The following FBXL19 variants were observed in gnomAD, a reference collection of about 807,000 sequenced individuals.
The protein encoded by FBXL19 is F-box/LRR-repeat protein 19.
In FBXL19, 16 loss-of-function variants were observed where a neutral mutation model predicts 71.2. The ratio of observed to expected loss-of-function variants is 0.22; its 90% CI spans 0.15 to 0.34. The LOEUF is 0.34. Among genes scored for constraint, FBXL19 ranks in the 10% least tolerant of loss-of-function variants. FBXL19 has a pLI of 1.00. For synonymous variants in FBXL19, 447 were observed against 409.4 expected, an observed-to-expected ratio of 1.09 and a Z score of -1.11; for missense variants, 658 against 968.2, an observed-to-expected ratio of 0.68 and a Z score of 4.25.
rs2055564589 is a variant in FBXL19 at position 30,924,378 on chromosome 16, G to T, written c.-106G>T. ...TTCTGAGCGTTCCGCGCCCCGCGCC[G>T]CCCGGCCCCCCCGCCGCCGATGGCC... On this transcript the variant is annotated 5_prime_UTR_variant, in exon 1 of 11. Coordinates refer to ENST00000338343, the MANE Select transcript of FBXL19 (RefSeq NM_001382779.1). 1.6e-5 allele frequency: 3 copies of T among 182,178 alleles called. No individual in the cohort carries two copies. In the Admixed American group the frequency reaches 1.9e-4, roughly 11 times the overall value. The allele number at this position is 182,178 out of a possible 1,614,324, so 11.3% of individuals were successfully genotyped here. A position where few individuals can be genotyped will look rare whatever the true frequency, so the allele number is the denominator to read the frequency against.
Position 30,930,361 on chromosome 16 carries a change from C to T in FBXL19, c.1078C>T (p.Pro360Ser). 1.3e-6 allele frequency: 2 copies of T among 1,568,646 alleles called. No homozygotes were observed. Among genetic ancestry groups the T allele is most frequent in the Non-Finnish European group, 1.7e-6 (2 of 1,161,610 alleles). The part of the protein sequence containing the change: ...RRAVRPGSGG[P>S]LLSWPLGPAP... ...GGCTGTGCGCCCTGGCAGTGGGGGGCCCCTACTCAGCTGGCCCCTGGGCCC... is the reference window on the plus strand; with the variant it reads ...GGCTGTGCGCCCTGGCAGTGGGGGGTCCCTACTCAGCTGGCCCCTGGGCCC... Residue 360 changes from proline to serine, a missense_variant, in exon 7 of 11, where the codon CCC becomes TCC. By Grantham distance (74) the Pro-to-Ser change is moderately conservative (BLOSUM62 -1). Coordinates refer to ENST00000338343, the MANE Select transcript of FBXL19 (RefSeq NM_001382779.1). This position sits in a 1 kb window ranked among gnomAD's most constrained non-coding sequence, Gnocchi z 8.5.
Position 30,947,133 on chromosome 16 carries a change from G to A in FBXL19, c.1928G>A (p.Arg643His), listed in dbSNP as rs1356923663. 16 of 1,599,650 alleles carry A rather than the reference G, an allele frequency of 1.0e-5. No homozygotes were observed. The highest frequency in any genetic ancestry group is 2.2e-5 in the South Asian group (2 of 90,862). ...RLRRLDLRSC[R>H]QLSPEACARL... Reference sequence around the variant, plus strand: ...CGCCGCCTAGACCTGCGCTCCTGCCGCCAGCTCTCACCCGAAGCTTGTGCC... The same window carrying A: ...CGCCGCCTAGACCTGCGCTCCTGCCACCAGCTCTCACCCGAAGCTTGTGCC... The change falls in exon 11 of 11, where the codon CGC becomes CAC. Residue 643 changes from arginine (R) to histidine (H), a missense_variant. Arg to His is a conservative substitution (Grantham distance 29). Around this residue, in one of 8 missense-constraint regions of FBXL19, gnomAD observed 69 missense variants for 177.8 expected, o/e 0.39. Coordinates refer to ENST00000338343, the MANE Select transcript of FBXL19 (RefSeq NM_001382779.1).
chr16:30,928,928 C>T (rs986045588), intron 6 of FBXL19, among the ~76,000 whole-genome samples: 2 of 152,190 alleles, frequency 1.3e-5, no homozygotes, highest in African/African-American at 4.8e-5. Context: ...TTTGTATGAT[C>T]CTAGCAGCTT....
chr16:30,934,252 A>C (rs541375893), intron 7 of FBXL19, among the ~76,000 whole-genome samples: 1 of 151,780 alleles, frequency 6.6e-6, no homozygotes, highest in African/African-American at 2.4e-5. Flanking sequence ...TAGTTCAGCT[A>C]CTTGGGAGAC....
chr16:30,927,911 C>A lies in FBXL19; in HGVS notation c.575C>A (p.Pro192His), dbSNP rs1450364354. The A allele has an allele frequency of 2.6e-6, 4 of 1,544,104 alleles. No homozygotes were observed. The highest frequency in any genetic ancestry group is 3.5e-6 in the Non-Finnish European group (4 of 1,152,874). ...GPPPEDVPGPPKRKEREAGNE... is the reference protein window; with the variant it reads ...GPPPEDVPGPHKRKEREAGNE... ...CCCCCGGAGGACGTGCCTGGGCCCCCCAAACGAAAGGAAAGGGAGGCAGGG... is the reference window on the plus strand; with the variant it reads ...CCCCCGGAGGACGTGCCTGGGCCCCACAAACGAAAGGAAAGGGAGGCAGGG... Residue 192 changes from proline (P) to histidine (H), a missense_variant, in exon 5 of 11, where the codon CCC (proline) becomes CAC (histidine). Pro to His is a moderately conservative substitution (Grantham distance 77, BLOSUM62 -2). Coordinates refer to ENST00000338343, the MANE Select transcript of FBXL19 (RefSeq NM_001382779.1).
chr16:30,924,750 C>T (rs1188180652), intron 1 of FBXL19: 3 of 1,490,928 alleles, frequency 2.0e-6, no homozygotes, highest in Non-Finnish European at 8.9e-7. Flanking sequence ...TGAAAGTCCC[C>T]GGAAAGGGGG....
chr16:30,927,927 G>T lies in FBXL19; in HGVS notation c.591G>T (p.Arg197Ser). The T allele has an allele frequency of 1.3e-6, 2 of 1,542,528 alleles. No homozygotes were observed. The change falls in exon 5 of 11, where the codon AGG (arginine) becomes AGT (serine). Residue 197 changes from arginine (R) to serine (S), a missense_variant. Physicochemically the swap from Arg to Ser is moderately radical, Grantham distance 110. Coordinates refer to ENST00000338343, the MANE Select transcript of FBXL19 (RefSeq NM_001382779.1). The stretch of plus-strand genomic sequence containing the variant: ...CTGGGCCCCCCAAACGAAAGGAAAG[G>T]GAGGCAGGGAATGAGCCTCCCACCC... ...DVPGPPKRKE[R>S]EAGNEPPTPR... is the part of the protein sequence containing the mutation.
chr16:30,934,142 A>T (rs2055705687), intron 7 of FBXL19, among the ~76,000 whole-genome samples: 1 of 151,950 alleles, frequency 6.6e-6, no homozygotes, highest in Non-Finnish European at 1.5e-5. Context: ...AGACGGGCGG[A>T]TCACTTGTCA....
chr16:30,928,337 CAG>C, intron 5 of FBXL19, 128 bp from the exon 6 acceptor site: 5 of 1,018,274 alleles, frequency 4.9e-6, no homozygotes, highest in African/African-American at 1.7e-5. Context: ...TGAGCATGCT[CAG>C]AGTTATCCCT....
chr16:30,927,316 C>A lies in FBXL19; in HGVS notation c.186C>A (p.Leu62=). The A allele has an allele frequency of 6.4e-7, 1 of 1,571,298 alleles. No homozygotes were observed. The highest frequency in any genetic ancestry group is 2.3e-5 in the East Asian group (1 of 42,864). Residue 62 remains leucine, a synonymous_variant, in exon 3 of 11, where the codon CTC becomes CTA. Coordinates refer to ENST00000338343, the MANE Select transcript of FBXL19 (RefSeq NM_001382779.1). The stretch of plus-strand genomic sequence containing the variant: ...CCCCTCTCCCCCAACAGCCCGTGCT[C>A]CCACACACAGCTGTGTGCCTCTTGT... ...CLLRQCTAPV[L]PHTAVCLLCG...
intron 9 of FBXL19, among the ~76,000 whole-genome samples, chr16:30,945,017 T>TA (rs1243244882): frequency 6.6e-6 from 1 of 152,330 alleles, no homozygotes; most frequent in South Asian, 2.1e-4. Context: ...GGCCACATCT[T>TA]ACGATTCTTC....
In FBXL19 at chr16:30,923,576, GAGGAGGA is replaced by G. The variant is rs1210808433; in HGVS notation, c.-895_-889del. On this transcript the variant is annotated 5_prime_UTR_variant, in exon 1 of 11. Coordinates refer to ENST00000338343, the MANE Select transcript of FBXL19 (RefSeq NM_001382779.1). ...AGGGAGGGGAGGGGAGGGGGGAAGA[GAGGAGGA>G]AGGAGGAAGGAGCTGAGGAGGGATG... Among the ~76,000 whole-genome samples, 2 of 148,482 alleles carry G rather than the reference GAGGAGGA, an allele frequency of 1.3e-5. No homozygotes were observed. The highest frequency in any genetic ancestry group is 6.7e-5 in the Admixed American group (1 of 15,026).
rs2055871326 is a variant in FBXL19 at position 30,947,308 on chromosome 16, G to C, written c.*78G>C. 1 of 1,255,446 alleles carries C rather than the reference G, an allele frequency of 8.0e-7. No homozygotes were observed. The highest frequency in any genetic ancestry group is 1.1e-6 in the Non-Finnish European group (1 of 930,362). The allele number at this position is 1,255,446 out of a possible 1,614,324, so 77.8% of individuals were successfully genotyped here. On this transcript the variant is annotated 3_prime_UTR_variant, in exon 11 of 11. Coordinates refer to ENST00000338343, the MANE Select transcript of FBXL19 (RefSeq NM_001382779.1). ...TCATTTCACCCCTGCTGGGAGGCCAGGTTCCCACCTCACCACCCTGGGATT... is the reference window on the plus strand; with the variant it reads ...TCATTTCACCCCTGCTGGGAGGCCACGTTCCCACCTCACCACCCTGGGATT...
chr16:30,947,090 C>T lies in FBXL19; in HGVS notation c.1885C>T (p.Arg629Cys). Residue 629 changes from arginine (R) to cysteine (C), a missense_variant, in exon 11 of 11, where the codon CGC becomes TGC. Around this residue, in one of 8 missense-constraint regions of FBXL19, gnomAD observed 69 missense variants for 177.8 expected, o/e 0.39. Transcript: ENST00000338343. ...AACGGACCACTGCCTCCCGCTGTTC[C>T]GCCGCTGCCCTCGTCTACGCCGCCT... ...RLTDHCLPLF[R>C]RCPRLRRLDL... The T allele has an allele frequency of 6.3e-7, 1 of 1,597,372 alleles. No individual in the cohort carries two copies. Among genetic ancestry groups the T allele is most frequent in the Non-Finnish European group, 8.5e-7 (1 of 1,176,814 alleles).
Position 30,930,226 on chromosome 16 carries a change from G to C in FBXL19, c.943G>C (p.Asp315His). The C allele has an allele frequency of 2.5e-6, 4 of 1,613,054 alleles. No homozygotes were observed. The highest frequency in any genetic ancestry group is 3.4e-6 in the Non-Finnish European group (4 of 1,179,878). The change falls in exon 7 of 11, where the codon GAC becomes CAC. Residue 315 changes from aspartate to histidine, a missense_variant. By Grantham distance (81) the Asp-to-His change is moderately conservative. This residue lies in a region of FBXL19 where 447 missense variants were observed against 515.4 expected (regional missense o/e 0.87). Coordinates refer to ENST00000338343, the MANE Select transcript of FBXL19 (RefSeq NM_001382779.1). This position sits in a 1 kb window ranked among gnomAD's most constrained non-coding sequence, Gnocchi z 8.5. ...SSSSDSDSDS[D>H]SSGTSLSEDE... Reference sequence around the variant, plus strand: ...CTCCTCGGACTCAGACTCCGACTCCGACTCTTCGGGCACATCGCTGAGTGA... The same window carrying C: ...CTCCTCGGACTCAGACTCCGACTCCCACTCTTCGGGCACATCGCTGAGTGA...
intron 7 of FBXL19, among the ~76,000 whole-genome samples, chr16:30,933,878 G>A (rs531805469): frequency 3.3e-5 from 5 of 151,734 alleles, no homozygotes; most frequent in African/African-American, 9.7e-5. Flanking sequence ...TCAGCCTCCC[G>A]AGTAGCTGGG....
At chr16:30,933,856 AG>A (rs2055701995) in intron 7 of FBXL19, among the ~76,000 whole-genome samples, 1 of 151,024 alleles carries the variant, frequency 6.6e-6, no homozygotes, top group Non-Finnish European at 1.5e-5. Flanking sequence ...GGGTTCAATC[AG>A]TTCTCCTGCC....
rs757725749 is a variant in FBXL19 at position 30,942,410 on chromosome 16, C to T, written c.1501C>T (p.Leu501Phe). Reference protein sequence around the residue: ...QELVLSGCSWLSVSALGSAPL... With the variant: ...QELVLSGCSWFSVSALGSAPL... ...GCTGGTGCTCTCTGGCTGCTCCTGG[C>T]TCTCTGTCTCTGCCCTGGGCTCAGC... Residue 501 changes from leucine to phenylalanine, a missense_variant, in exon 9 of 11, where the codon CTC becomes TTC. This residue lies in a region of FBXL19 where 21 missense variants were observed against 45.1 expected (regional missense o/e 0.47). Transcript: ENST00000338343. The surrounding 1 kb of genome is among the most constrained non-coding windows in gnomAD (Gnocchi z 5.7). The T allele has an allele frequency of 1.2e-6, 2 of 1,609,550 alleles. No homozygotes were observed. The highest frequency in any genetic ancestry group is 1.7e-4 in the Middle Eastern group (1 of 5,962).
chr16:30,935,114 C>G (rs2055717790), intron 7 of FBXL19, among the ~76,000 whole-genome samples: 2 of 152,136 alleles, frequency 1.3e-5, no homozygotes, highest in South Asian at 4.1e-4. Context: ...GATTTTGCTA[C>G]CAGGAGGCCT....
Sources: allele counts gnomAD v4.1 joint callset (sites outside exome capture counted in the v4.1 genomes callset), GRCh38; gene constraint gnomAD v4.1.1; regional missense constraint gnomAD v4.1.1; non-coding constraint Gnocchi (gnomAD v3.1); transcripts MANE v1.5; gene names NCBI Gene and HGNC (gene_info 2026-07-23, HGNC 2026-07-21).